SHPRH: variants seen among roughly 807,000 people sequenced by gnomAD.
SHPRH encodes SNF2 histone linker PHD RING helicase, also known as E3 ubiquitin-protein ligase SHPRH.
SHPRH carries 106 observed loss-of-function variants against 202.5 expected under a neutral mutation model. The observed-to-expected ratio is 0.52, with a 90% CI of 0.45 to 0.62. The LOEUF (loss-of-function observed/expected upper bound fraction) is 0.62, where lower values mean the gene tolerates loss of function less well. Ranked by LOEUF, SHPRH falls within the 20% of genes least tolerant of loss-of-function variation. The pLI, the probability that SHPRH is intolerant of heterozygous loss-of-function variation, is 0.00. For missense variants in SHPRH, 1,710 were observed against 2,020.0 expected (o/e 0.85, Z 2.94); for synonymous variants, 729 against 686.0 (o/e 1.06, Z -0.98).
chr6:145,859,228 T>C, the SHPRH span, among the ~76,000 whole-genome samples: 68,362 of 151,750 alleles, frequency 0.45, 15,916 homozygotes, highest in African/African-American at 0.55. Flanking sequence ...ATGCTAACAA[T>C]GCAATCTCAC....
chr6:145,922,351 GA>G lies in SHPRH; in HGVS notation c.3720-4del, dbSNP rs752643869. The G allele has an allele frequency of 1.6e-5, 25 of 1,553,474 alleles. No individual in the cohort carries two copies. The Admixed American group carries it at 1.6e-4, about 10-fold the overall frequency. On this transcript the variant is annotated splice_region_variant and splice_polypyrimidine_tract_variant and intron_variant, in intron 19 of 29. Transcript: ENST00000275233. ...CATCAGCTTTACAAAAGACACAGCT[GA>G]AAAAAAAGAGATTAACAGAAATATT...
chr6:145,914,397 G>A, intron 23 of SHPRH, among the ~76,000 whole-genome samples: 1 of 152,082 alleles, frequency 6.6e-6, no homozygotes, highest in Middle Eastern at 3.2e-3. Flanking sequence ...TTTCCAATAT[G>A]TCAATAAAGA....
At chr6:145,955,438 T>G (rs1341155537) in intron 1 of SHPRH, 84 bp from the exon 2 acceptor site, 1 of 1,300,452 alleles carries the variant, frequency 7.7e-7, no homozygotes, top group Non-Finnish European at 1.0e-6. Context: ...TCAGCATAAA[T>G]TCATAGCCCA....
chr6:145,903,976 G>A (rs1368581529), intron 25 of SHPRH: 2 of 152,114 alleles, frequency 1.3e-5, no homozygotes, highest in East Asian at 3.9e-4. Context: ...GGGAAGAAAT[G>A]GTCTTCAACT....
rs117876555 is a variant in SHPRH, at chr6:145,921,490, G to A, written c.3783-98C>T. On this transcript the variant is annotated intron_variant, in intron 20 of 29. Coordinates refer to ENST00000275233, the MANE Select transcript of SHPRH (RefSeq NM_001042683.3). The stretch of plus-strand genomic sequence containing the variant: ...AAAAGAACATGTTTGCAAGTCTTTG[G>A]AAAAACCAAAGCAACCTTGAAAAAG... The A allele has an allele frequency of 5.7e-3, 7,098 of 1,236,836 alleles. 28 individuals are homozygous for A. The highest frequency in any genetic ancestry group is 7.1e-3 in the Non-Finnish European group (6,324 of 896,294). 76.6% of individuals were successfully genotyped at this position (1,236,836 alleles called of 1,614,324 possible). A position where few individuals can be genotyped will look rare whatever the true frequency, so the allele number is the denominator to read the frequency against.
chr6:145,940,601 T>C (rs892033296), intron 11 of SHPRH, 122 bp downstream of exon 11: 6 of 898,676 alleles, frequency 6.7e-6, no homozygotes, highest in Non-Finnish European at 8.4e-6. Flanking sequence ...AGGAGTCAAC[T>C]ATAAAGACAT....
intron 18 of SHPRH, 116 bp from the exon 19 acceptor site, chr6:145,922,952 T>TC: frequency 1.6e-6 from 2 of 1,287,322 alleles, no homozygotes; most frequent in East Asian, 5.5e-5. Flanking sequence ...GCTGTTTTTT[T>TC]TTTTTTTAAC....
At chr6:145,940,865 C>G in intron 10 of SHPRH, 64 bp from the exon 11 acceptor site, 1 of 1,535,012 alleles carries the variant, frequency 6.5e-7, no homozygotes, top group South Asian at 1.1e-5. Flanking sequence ...ACACAGAAGT[C>G]AGGCATACTC....
Position 145,948,287 on chromosome 6 carries a change from T to C in SHPRH, c.1046A>G (p.Asn349Ser). The C allele has an allele frequency of 3.7e-6, 6 of 1,600,140 alleles. No homozygotes were observed. Among genetic ancestry groups the C allele is most frequent in the Non-Finnish European group, 4.3e-6 (5 of 1,173,002 alleles). Residue 349 changes from asparagine to serine, a missense_variant, in exon 5 of 30, where the codon AAT becomes AGT. Asn to Ser is a conservative substitution (Grantham distance 46). Coordinates refer to ENST00000275233, the MANE Select transcript of SHPRH (RefSeq NM_001042683.3). ...VTSEGLKLYY[N>S]PYTGCIIREY... is the part of the protein sequence containing the mutation. ...TTTGCCTTACCAGCCTGTATATGGA[T>C]TATAGTAGAGTTTCAGACCCTCAGA...
At chr6:145,919,262 T>C in intron 22 of SHPRH, 86 bp downstream of exon 22, 1 of 1,539,792 alleles carries the variant, frequency 6.5e-7, no homozygotes, top group Non-Finnish European at 8.9e-7. Flanking sequence ...TAGAGCTCAG[T>C]GCCCTGATTC....
At position 145,945,571 on chromosome 6, in the gene SHPRH, G is replaced by C; in HGVS notation, c.1388C>G (p.Ser463Cys). The C allele has an allele frequency of 6.2e-7, 1 of 1,612,848 alleles. No homozygotes were observed. The highest frequency in any genetic ancestry group is 8.5e-7 in the Non-Finnish European group (1 of 1,179,408). The change falls in exon 8 of 30, where the codon TCC becomes TGC. Residue 463 changes from serine to cysteine, a missense_variant. Physicochemically the swap from Ser to Cys is moderately radical, Grantham distance 112 (BLOSUM62 -1). Coordinates refer to ENST00000275233, the MANE Select transcript of SHPRH (RefSeq NM_001042683.3). Reference sequence around the variant, plus strand: ...TATAGAACTGACATACTTATAGATGGAAAGGATGGACACTCCTTTTTTTCC... The same window carrying C: ...TATAGAACTGACATACTTATAGATGCAAAGGATGGACACTCCTTTTTTTCC... ...MNGKKGVSIL[S>C]IYKYVSSIYR... is the part of the protein sequence containing the mutation.
At chr6:145,902,584 C>T (rs1782595359) in intron 25 of SHPRH, among the ~76,000 whole-genome samples, 2 of 151,986 alleles carry the variant, frequency 1.3e-5, no homozygotes, top group Middle Eastern at 3.4e-3. Flanking sequence ...CCTATTTTAC[C>T]GATGTAATTT....
intron 23 of SHPRH, among the ~76,000 whole-genome samples, chr6:145,915,207 T>A (rs915282498): frequency 3.4e-5 from 5 of 148,434 alleles, no homozygotes; most frequent in Admixed American, 1.3e-4. Context: ...AAATAAATTT[T>A]AATAAATTTA....
At chr6:145,889,505 G>A (rs1317759847) in intron 28 of SHPRH, among the ~76,000 whole-genome samples, 1 of 152,094 alleles carries the variant, frequency 6.6e-6, no homozygotes, top group African/African-American at 2.4e-5. Context: ...GTGACAAGTG[G>A]AGGATTCAAC....
In SHPRH at chr6:145,919,336, C is replaced by G. The variant is rs1562319569; in HGVS notation, c.4152+12G>C. ...TTGCTGTTCCCTTTTCTGTGATTTA[C>G]TTGCCAATTACCTCATGTGGTTCAA... On this transcript the variant is annotated intron_variant, in intron 22 of 29. Coordinates refer to ENST00000275233, the MANE Select transcript of SHPRH (RefSeq NM_001042683.3). The G allele has an allele frequency of 1.2e-6, 2 of 1,611,962 alleles. No individual in the cohort carries two copies. The highest frequency in any genetic ancestry group is 2.2e-5 in the South Asian group (2 of 90,852).
At chr6:145,942,577 AG>A (rs1223764974) in intron 9 of SHPRH, among the ~76,000 whole-genome samples, 8 of 152,230 alleles carry the variant, frequency 5.3e-5, no homozygotes, top group Admixed American at 1.3e-4. Context: ...AAATTAGTGA[AG>A]GGTATTAATA....
rs367622211 is a variant in SHPRH, at chr6:145,874,487, T to C, written c.222-9996A>G. On this transcript the variant is annotated intron_variant, in intron 2 of 2. Coordinates refer to the SHPRH transcript ENST00000417762. ...GCATTTTTTTTTATTCTGAGCTTTA[T>C]TAAGGTATAATTGACATACAAAAAT... Among the ~76,000 whole-genome samples, 15 of 152,250 alleles carry C rather than the reference T, an allele frequency of 9.9e-5. 1 individual carries two copies. The highest frequency in any genetic ancestry group is 3.6e-4 in the African/African-American group (15 of 41,562).
intron 13 of SHPRH, among the ~76,000 whole-genome samples, chr6:145,934,642 G>A (rs1785867007): frequency 6.6e-6 from 1 of 151,182 alleles, no homozygotes; most frequent in African/African-American, 2.4e-5. Flanking sequence ...TCCAGCCTGG[G>A]AAAGAGTGAG....
At chr6:145,862,490 A>G (rs867829380), downstream of SHPRH, 1 of 154,682 alleles carries the variant, frequency 6.5e-6, no homozygotes, top group African/African-American at 2.4e-5. Context: ...ACAAAACAAC[A>G]AAAATGGAGG....
Sources: gnomAD v4.1 joint callset for allele counts (sites outside exome capture counted in the v4.1 genomes callset) on GRCh38, gnomAD v4.1.1 for gene constraint, MANE v1.5 for transcripts, NCBI Gene and HGNC (gene_info 2026-07-23, HGNC 2026-07-21) for gene names.